Variants in GPC6 observed in about 807,000 individuals in gnomAD.
GPC6 encodes the protein glypican-6.
GPC6 carries 14 observed loss-of-function variants against 55.2 expected under a neutral mutation model. The observed-to-expected ratio is 0.25, with a 90% CI of 0.17 to 0.40. GPC6 has a LOEUF of 0.40. Among genes scored for constraint, GPC6 ranks in the 10% least tolerant of loss-of-function variants. The pLI is 1.00. For missense variants in GPC6, 641 were observed against 708.5 expected (o/e 0.90, Z 1.08); for synonymous variants, 278 against 259.6 (o/e 1.07, Z -0.68).
At chr13:94,243,449 T>C (rs1285465354) in intron 4 of GPC6, among the ~76,000 whole-genome samples, 1 of 152,036 alleles carries the variant, frequency 6.6e-6, no homozygotes, top group Non-Finnish European at 1.5e-5. Context: ...GAAACAGGTG[T>C]TTGAACAGAA....
At chr13:93,807,187 C>A (rs1438174635) in intron 2 of GPC6, among the ~76,000 whole-genome samples, 2 of 152,162 alleles carry the variant, frequency 1.3e-5, no homozygotes, top group Non-Finnish European at 2.9e-5. Flanking sequence ...TCTCCCGTTT[C>A]ACTTCTGTCA....
At chr13:93,995,161 CTATTTTATTTTATTT>C (rs5805840) in intron 3 of GPC6, among the ~76,000 whole-genome samples, 36 of 144,406 alleles carry the variant, frequency 2.5e-4, no homozygotes, top group African/African-American at 3.1e-4. Context: ...TGTACTTCAA[CTATTTTATTTTATTT>C]TATTTTATTT....
chr13:93,718,823 G>A (rs184523174), intron 2 of GPC6, among the ~76,000 whole-genome samples: 66 of 147,472 alleles, frequency 4.5e-4, no homozygotes, highest in South Asian at 2.1e-4. Flanking sequence ...TTGCCCAATG[G>A]CATTTATTAA....
At chr13:93,256,355 A>G (rs1203260863) in intron 1 of GPC6, among the ~76,000 whole-genome samples, 1 of 151,838 alleles carries the variant, frequency 6.6e-6, no homozygotes, top group Non-Finnish European at 1.5e-5. Flanking sequence ...TTTCCTTAAA[A>G]TGCGTTTAGT....
At position 94,225,670 on chromosome 13, in the gene GPC6, C is replaced by CATATAT. The variant is rs3043530; in HGVS notation, c.878-60665_878-60660dup. Among the ~76,000 whole-genome samples the CATATAT allele has an allele frequency of 2.6e-3, 389 of 147,374 alleles. 4 individuals carry two copies. Among genetic ancestry groups the CATATAT allele is most frequent in the African/African-American group, 8.6e-3 (343 of 40,008 alleles). On this transcript the variant is annotated intron_variant, in intron 4 of 8. Coordinates refer to ENST00000377047, the MANE Select transcript of GPC6 (RefSeq NM_005708.5). Reference sequence around the variant, plus strand: ...TATATGTGTGTGTGTAAAGTATACACATATATATATATATATATAAACTGT... The same window carrying CATATAT: ...TATATGTGTGTGTGTAAAGTATACACATATATATATATATATATATATATAAACTGT...
At chr13:93,742,509 C>T (rs141291818) in intron 2 of GPC6, among the ~76,000 whole-genome samples, 1 of 152,248 alleles carries the variant, frequency 6.6e-6, no homozygotes, top group African/African-American at 2.4e-5. Flanking sequence ...CTCTTGATAG[C>T]CTTGTGAACA....
Position 94,253,020 on chromosome 13 carries a change from G to T in GPC6, c.878-33329G>T, listed in dbSNP as rs1160429694. Among the ~76,000 whole-genome samples, 4 of 152,046 alleles carry T rather than the reference G, an allele frequency of 2.6e-5. No homozygotes were observed. The East Asian group carries it at 7.8e-4, about 30-fold the overall frequency. On this transcript the variant is annotated intron_variant, in intron 4 of 8. Transcript: ENST00000377047. The stretch of plus-strand genomic sequence containing the variant: ...TCAGTAAAGTTTAGACTGGTGTCAG[G>T]AATGATAAGAGGCCAAGAAGCTCAA...
At chr13:94,066,886 T>C (rs992244368) in intron 4 of GPC6, among the ~76,000 whole-genome samples, 2 of 152,216 alleles carry the variant, frequency 1.3e-5, no homozygotes, top group East Asian at 1.9e-4. Flanking sequence ...CTGAGAGAGA[T>C]GCTTGATACT....
intron 3 of GPC6, among the ~76,000 whole-genome samples, chr13:94,008,015 A>T (rs777670115): frequency 2.0e-5 from 3 of 152,300 alleles, no homozygotes; most frequent in Non-Finnish European, 1.5e-5. Flanking sequence ...GTCAATATTC[A>T]TTCCAAAATA....
intron 3 of GPC6, among the ~76,000 whole-genome samples, chr13:93,931,585 G>A (rs1182684648): frequency 1.7e-4 from 26 of 151,838 alleles, no homozygotes; most frequent in Non-Finnish European, 3.1e-4. Context: ...CCAACATGGC[G>A]AAACCCCGTC....
chr13:93,277,189 G>C (rs570836351), intron 1 of GPC6, among the ~76,000 whole-genome samples: 3 of 152,042 alleles, frequency 2.0e-5, no homozygotes, highest in African/African-American at 7.2e-5. Context: ...TTTACCGTGG[G>C]TGAAGGAATT....
chr13:93,870,132 T>C lies in GPC6; in HGVS notation c.711+39587T>C, dbSNP rs143386445. Among the ~76,000 whole-genome samples, 488 of 152,002 alleles carry C rather than the reference T, an allele frequency of 3.2e-3. 2 individuals are homozygous for C. The highest frequency in any genetic ancestry group is 5.7e-3 in the Non-Finnish European group (385 of 67,870). On this transcript the variant is annotated intron_variant, in intron 3 of 8. Coordinates refer to ENST00000377047, the MANE Select transcript of GPC6 (RefSeq NM_005708.5). Reference sequence around the variant, plus strand: ...TTAAGGTTTTGGGACACCACTTTCTTCATTATCTCTTCTTCCTTCTATTTT... The same window carrying C: ...TTAAGGTTTTGGGACACCACTTTCTCCATTATCTCTTCTTCCTTCTATTTT...
chr13:93,571,219 C>G (rs926567546), intron 2 of GPC6, among the ~76,000 whole-genome samples: 12 of 152,058 alleles, frequency 7.9e-5, no homozygotes, highest in Admixed American at 7.2e-4. Flanking sequence ...CGTCCCAAGC[C>G]TAGCTCTCAA....
Position 93,962,417 on chromosome 13 carries a change from AT to A in GPC6, c.712-65311del, listed in dbSNP as rs537284480. ...ATTTAGTAACAGTAGTTAGCAAAAA[AT>A]ATATATATATTTTTTTTCTTTCTCT... On this transcript the variant is annotated intron_variant, in intron 3 of 8. Transcript: ENST00000377047. Among the ~76,000 whole-genome samples the A allele has an allele frequency of 3.4e-3, 514 of 151,622 alleles. 6 individuals are homozygous for A. Among genetic ancestry groups the A allele is most frequent in the African/African-American group, 0.012 (497 of 41,500 alleles).
intron 4 of GPC6, among the ~76,000 whole-genome samples, chr13:94,137,151 A>C (rs1216567056): frequency 6.6e-6 from 1 of 152,232 alleles, no homozygotes; most frequent in African/African-American, 2.4e-5. Context: ...TTGATTTTAG[A>C]TCGCTTGTAC....
intron 4 of GPC6, among the ~76,000 whole-genome samples, chr13:94,057,221 A>G (rs1229396862): frequency 1.3e-5 from 2 of 152,206 alleles, no homozygotes; most frequent in African/African-American, 2.4e-5. Context: ...GGAAGAAAGT[A>G]TATCATATTT....
At chr13:94,345,337 A>T (rs193076744) in intron 6 of GPC6, among the ~76,000 whole-genome samples, 20 of 152,298 alleles carry the variant, frequency 1.3e-4, no homozygotes, top group African/African-American at 4.8e-4. Context: ...GAAAACTGAG[A>T]TCCAAAAATC....
intron 3 of GPC6, among the ~76,000 whole-genome samples, chr13:93,954,260 G>GTA (rs1008504528): frequency 1.3e-5 from 2 of 152,134 alleles, no homozygotes; most frequent in African/African-American, 4.8e-5. Flanking sequence ...TAGCAAAAGT[G>GTA]TATATATATT....
chr13:94,068,808 G>A (rs1011374334), intron 4 of GPC6, among the ~76,000 whole-genome samples: 1 of 152,166 alleles, frequency 6.6e-6, no homozygotes, highest in East Asian at 1.9e-4. Context: ...TGGAAGAGGT[G>A]GGCTCCCATG....
Sources: allele counts gnomAD v4.1 joint callset (sites outside exome capture counted in the v4.1 genomes callset), GRCh38; gene constraint gnomAD v4.1.1; transcripts MANE v1.5; gene names NCBI Gene and HGNC (gene_info 2026-07-23, HGNC 2026-07-21).